Variants in UBE2V2 observed in about 807,000 individuals in gnomAD.
The protein encoded by UBE2V2 is ubiquitin conjugating enzyme E2 V2.
A neutral mutation model predicts 17.2 loss-of-function variants in UBE2V2; 9 were observed. The ratio of observed to expected loss-of-function variants is 0.52; its 90% confidence interval spans 0.32 to 0.91. The LOEUF is 0.91. Among genes scored for constraint, UBE2V2 ranks in the 40% least tolerant of loss-of-function variants. The pLI is 0.04. For missense variants in UBE2V2, 133 were observed against 182.6 expected, an observed-to-expected ratio of 0.73 and a Z score of 1.56; for synonymous variants, 61 against 57.5, an observed-to-expected ratio of 1.06 and a Z score of -0.28.
At position 48,049,979 on chromosome 8, in the gene UBE2V2, G is replaced by A; in HGVS notation, c.291+1G>A. On this transcript the variant is annotated splice_donor_variant, in intron 3 of 3. Transcript: ENST00000523111. LOFTEE classifies it high-confidence loss of function. ...CGGAATAAATAATTCCAGTGGGATG[G>A]TAAGTTAATATAGTCATTTTGGTTT... 1 of 1,534,038 alleles carries A rather than the reference G, an allele frequency of 6.5e-7. No individual in the cohort carries two copies. The highest frequency in any genetic ancestry group is 8.8e-7 in the Non-Finnish European group (1 of 1,140,230).
chr8:48,018,882 G>A (rs1166668508), intron 1 of UBE2V2, among the ~76,000 whole-genome samples: 7 of 152,116 alleles, frequency 4.6e-5, no homozygotes, highest in Admixed American at 4.6e-4. Context: ...TGACCCCTTT[G>A]TTATTACATA....
chr8:48,053,391 A>AC (rs1218127295), intron 3 of UBE2V2, among the ~76,000 whole-genome samples: 1 of 151,554 alleles, frequency 6.6e-6, no homozygotes, highest in African/African-American at 2.4e-5. Context: ...GTCAAATGTT[A>AC]ACATTTGTCT....
intron 1 of UBE2V2, 124 bp downstream of exon 1, chr8:48,008,594 C>G (rs2154506523): frequency 7.2e-7 from 1 of 1,390,300 alleles, no homozygotes; most frequent in Non-Finnish European, 9.4e-7. Flanking sequence ...GAATGCCGCG[C>G]TCTCCGCAGA....
chr8:48,001,331 A>G, the UBE2V2 span, among the ~76,000 whole-genome samples: 2 of 152,032 alleles, frequency 1.3e-5, no homozygotes, highest in South Asian at 2.1e-4. Flanking sequence ...TTAAAACACT[A>G]GGACATGCCT....
At chr8:48,033,117 T>A (rs144485245) in intron 1 of UBE2V2, among the ~76,000 whole-genome samples, 41 of 152,304 alleles carry the variant, frequency 2.7e-4, no homozygotes, top group African/African-American at 8.7e-4. Context: ...AGACTTGACT[T>A]TTCTTAGTGT....
intron 1 of UBE2V2, 143 bp downstream of exon 1, chr8:48,008,613 T>C (rs1398777946): frequency 4.3e-6 from 5 of 1,151,474 alleles, no homozygotes; most frequent in Non-Finnish European, 5.6e-6. Context: ...GAGCGTAGCC[T>C]GGGACCGGGT....
chr8:48,061,798 AAAT>A lies in UBE2V2; in HGVS notation c.*978_*980del, dbSNP rs1802600066. 6.6e-6 allele frequency: 1 copy of A among 152,228 alleles called. No homozygotes were observed. The highest frequency in any genetic ancestry group is 1.5e-5 in the Non-Finnish European group (1 of 68,038). The allele number at this position is 152,228 out of a possible 1,614,324, so 9.4% of individuals were successfully genotyped here. ...TATATTTTGAGTTTGATTTCACCAG[AAAT>A]AATAATATTAAAAAGATCTTTGCAT... On this transcript the variant is annotated 3_prime_UTR_variant, in exon 4 of 4. Transcript: ENST00000523111.
chr8:48,029,748 T>C (rs1316641246), intron 1 of UBE2V2, among the ~76,000 whole-genome samples: 3 of 152,214 alleles, frequency 2.0e-5, no homozygotes, highest in East Asian at 3.8e-4. Flanking sequence ...GAGGAAATAC[T>C]TATGTTATTG....
At chr8:48,058,997 C>T (rs1802543129) in intron 3 of UBE2V2, among the ~76,000 whole-genome samples, 1 of 151,920 alleles carries the variant, frequency 6.6e-6, no homozygotes, top group South Asian at 2.1e-4. Flanking sequence ...ACCTCCGCCT[C>T]CCAGATGCAA....
upstream of UBE2V2, among the ~76,000 whole-genome samples, chr8:48,007,511 T>C (rs1160526886): frequency 2.0e-5 from 3 of 151,446 alleles, no homozygotes; most frequent in South Asian, 2.1e-4. Flanking sequence ...CCATTCACAA[T>C]TGCTACAAAG....
intron 2 of UBE2V2, among the ~76,000 whole-genome samples, chr8:48,046,754 A>T (rs1396562469): frequency 6.6e-6 from 1 of 151,684 alleles, no homozygotes; most frequent in Non-Finnish European, 1.5e-5. Context: ...ACACCACCAT[A>T]CCTGGCTAAT....
At chr8:48,017,083 G>A (rs960917116) in intron 1 of UBE2V2, among the ~76,000 whole-genome samples, 5 of 152,076 alleles carry the variant, frequency 3.3e-5, no homozygotes, top group Non-Finnish European at 4.4e-5. Flanking sequence ...GAGCCACTGC[G>A]CTTGGCCTCA....
At chr8:48,001,556 GCCACTGCACT>G in the UBE2V2 span, among the ~76,000 whole-genome samples, 1 of 152,106 alleles carries the variant, frequency 6.6e-6, no homozygotes, top group Non-Finnish European at 1.5e-5. Flanking sequence ...CTGTGATGGT[GCCACTGCACT>G]CCAGGCTGGG....
At chr8:48,008,367 G>C (rs766731140), upstream of UBE2V2, 1 of 1,506,212 alleles carries the variant, frequency 6.6e-7, no homozygotes, top group South Asian at 1.2e-5. Flanking sequence ...GGAGTCCGCT[G>C]TGACGCGTGC....
upstream of UBE2V2, chr8:48,008,405 GC>G: frequency 6.4e-7 from 1 of 1,554,292 alleles, no homozygotes; most frequent in Non-Finnish European, 8.7e-7. Flanking sequence ...GAAGTGACGC[GC>G]GACGGTTCGT....
At chr8:48,040,844 GTTTTT>G (rs71225699) in intron 1 of UBE2V2, among the ~76,000 whole-genome samples, 5 of 74,106 alleles carry the variant, frequency 6.7e-5, no homozygotes, top group Non-Finnish European at 9.4e-5. Flanking sequence ...GCCAGGCTGG[GTTTTT>G]TTTTTTTTTT....
intron 3 of UBE2V2, chr8:48,050,623 T>C (rs2154507954): frequency 6.7e-6 from 1 of 149,094 alleles, no homozygotes; most frequent in African/African-American, 2.5e-5. Context: ...CGGGGCATGG[T>C]GGCTCACGCT....
the UBE2V2 span, among the ~76,000 whole-genome samples, chr8:48,000,799 G>T: frequency 7.5e-6 from 1 of 132,496 alleles, no homozygotes; most frequent in African/African-American, 2.9e-5. Flanking sequence ...TCCAGCCTGG[G>T]CAACAGAGGG....
chr8:48,005,080 T>G (rs2091175557), upstream of UBE2V2, among the ~76,000 whole-genome samples: 1 of 151,474 alleles, frequency 6.6e-6, no homozygotes, highest in South Asian at 2.1e-4. Flanking sequence ...GCAGGTTTGT[T>G]ACAGAGGTAT....
Sources: allele counts gnomAD v4.1 joint callset (sites outside exome capture counted in the v4.1 genomes callset), GRCh38; gene constraint gnomAD v4.1.1; transcripts MANE v1.5; gene names NCBI Gene and HGNC (gene_info 2026-07-23, HGNC 2026-07-21).